Variants in CDH13 observed in about 807,000 individuals in gnomAD.
CDH13 encodes cadherin 13.
A neutral mutation model predicts 63.8 loss-of-function variants in CDH13; 24 were observed. The ratio of observed to expected loss-of-function variants is 0.38; its 90% CI spans 0.27 to 0.53. CDH13 has a LOEUF of 0.53. CDH13 is among the 20% of genes least tolerant of loss of function. The pLI is 0.85. For synonymous variants in CDH13, 503 were observed against 355.3 expected (o/e 1.42, Z -4.67); for missense variants, 1,049 against 903.1 (o/e 1.16, Z -2.07).
chr16:83,451,432 C>T (rs990605099), intron 6 of CDH13, among the ~76,000 whole-genome samples: 7 of 152,232 alleles, frequency 4.6e-5, no homozygotes, highest in Non-Finnish European at 1.0e-4. Context: ...CACCAGGTCC[C>T]ATCCACAACC....
intron 6 of CDH13, among the ~76,000 whole-genome samples, chr16:83,375,125 C>T (rs538483326): frequency 5.9e-4 from 90 of 152,328 alleles, no homozygotes; most frequent in African/African-American, 2.1e-3. Flanking sequence ...TTCCCACCCT[C>T]CCAGCTGATA....
At chr16:83,497,592 C>T (rs917183286) in intron 7 of CDH13, among the ~76,000 whole-genome samples, 2 of 151,690 alleles carry the variant, frequency 1.3e-5, no homozygotes, top group Non-Finnish European at 1.5e-5. Context: ...AGCGCACCAG[C>T]ATGGCACATG....
intron 6 of CDH13, among the ~76,000 whole-genome samples, chr16:83,472,135 C>T (rs961475207): frequency 7.2e-5 from 11 of 152,132 alleles, no homozygotes; most frequent in Non-Finnish European, 1.0e-4. Flanking sequence ...GCACCAACCC[C>T]ATCAGGTGAA....
intron 1 of CDH13, among the ~76,000 whole-genome samples, chr16:82,692,198 G>T (rs957513185): frequency 6.6e-6 from 1 of 152,228 alleles, no homozygotes; most frequent in South Asian, 2.1e-4. Flanking sequence ...GAGAAGCTGG[G>T]ATAGTTTACC....
intron 6 of CDH13, chr16:83,383,080 C>T (rs2091599036): frequency 1.3e-5 from 2 of 152,222 alleles, no homozygotes; most frequent in African/African-American, 2.4e-5. Context: ...AGCATTTCCT[C>T]AGTCTTTCCC....
intron 4 of CDH13, among the ~76,000 whole-genome samples, chr16:83,182,081 G>T (rs950423001): frequency 2.6e-5 from 4 of 152,162 alleles, no homozygotes; most frequent in African/African-American, 4.8e-5. Context: ...CTCAGTAATT[G>T]CTCAATAAAT....
At chr16:83,261,560 A>G (rs74395821) in intron 5 of CDH13, among the ~76,000 whole-genome samples, 2,389 of 152,244 alleles carry the variant, frequency 0.016, 57 homozygotes, top group African/African-American at 0.054. Context: ...TCTCCCCAGC[A>G]CAGTCAGGGA....
intron 8 of CDH13, among the ~76,000 whole-genome samples, chr16:83,617,210 A>G (rs1004221340): frequency 6.6e-6 from 1 of 152,222 alleles, no homozygotes; most frequent in African/African-American, 2.4e-5. Context: ...CAAGTGTTTA[A>G]TTAGAGATGA....
At chr16:82,972,110 A>C (rs538317198) in intron 2 of CDH13, among the ~76,000 whole-genome samples, 2 of 152,256 alleles carry the variant, frequency 1.3e-5, no homozygotes, top group South Asian at 4.1e-4. Flanking sequence ...GTGTAGGGTG[A>C]GGCTAAATCC....
intron 10 of CDH13, among the ~76,000 whole-genome samples, chr16:83,712,377 GA>G (rs1838227007): frequency 6.6e-6 from 1 of 152,196 alleles, no homozygotes; most frequent in South Asian, 2.1e-4. Flanking sequence ...CTTTAGCATT[GA>G]AAACAGGATC....
intron 1 of CDH13, among the ~76,000 whole-genome samples, chr16:82,856,184 G>T (rs1446762984): frequency 6.6e-6 from 1 of 151,764 alleles, no homozygotes; most frequent in Non-Finnish European, 1.5e-5. Flanking sequence ...AGACCATCCT[G>T]GCGAACACTG....
chr16:82,959,417 C>T (rs11864431), intron 2 of CDH13, among the ~76,000 whole-genome samples: 44 of 152,294 alleles, frequency 2.9e-4, no homozygotes, highest in African/African-American at 1.0e-3. Flanking sequence ...TGGCTTAAAG[C>T]AACCCATGGA....
chr16:83,083,953 T>G (rs572784789), intron 3 of CDH13, among the ~76,000 whole-genome samples: 1 of 152,332 alleles, frequency 6.6e-6, no homozygotes, highest in African/African-American at 2.4e-5. Context: ...TAATAACCCT[T>G]TACCAATTGC....
intron 1 of CDH13, among the ~76,000 whole-genome samples, chr16:82,675,334 A>G (rs1303746357): frequency 1.3e-5 from 2 of 152,198 alleles, no homozygotes; most frequent in Non-Finnish European, 2.9e-5. Context: ...ATATGGCTGT[A>G]TACTTGAAAC....
intron 6 of CDH13, among the ~76,000 whole-genome samples, chr16:83,459,313 C>G (rs2073111452): frequency 6.6e-6 from 1 of 152,178 alleles, no homozygotes; most frequent in African/African-American, 2.4e-5. Context: ...AGCATGCATT[C>G]CAGTGGGAGA....
intron 4 of CDH13, among the ~76,000 whole-genome samples, chr16:83,185,090 C>T (rs757468902): frequency 1.3e-5 from 2 of 152,046 alleles, no homozygotes; most frequent in African/African-American, 2.4e-5. Context: ...TACTACTATC[C>T]CTATTTTATA....
chr16:82,651,878 A>G (rs1910759962), intron 1 of CDH13, among the ~76,000 whole-genome samples: 1 of 152,206 alleles, frequency 6.6e-6, no homozygotes, highest in African/African-American at 2.4e-5. Context: ...TATTGACATT[A>G]ACAGTTGGAT....
At chr16:82,742,002 A>C (rs568765417) in intron 1 of CDH13, among the ~76,000 whole-genome samples, 1 of 152,346 alleles carries the variant, frequency 6.6e-6, no homozygotes, top group African/African-American at 2.4e-5. Flanking sequence ...CATCATTTAT[A>C]GTAGGAAAAA....
At chr16:83,506,637 C>T (rs891283237) in intron 7 of CDH13, among the ~76,000 whole-genome samples, 1 of 152,228 alleles carries the variant, frequency 6.6e-6, no homozygotes, top group Non-Finnish European at 1.5e-5. Context: ...GCGTGGTCCC[C>T]TCCCACATCG....
Sources: allele counts gnomAD v4.1 joint callset (sites outside exome capture counted in the v4.1 genomes callset), GRCh38; gene constraint gnomAD v4.1.1; transcripts MANE v1.5; gene names NCBI Gene and HGNC (gene_info 2026-07-23, HGNC 2026-07-21).